The following ABCC9 variants were observed in gnomAD, a reference collection of about 807,000 sequenced individuals.
ABCC9 encodes ATP-binding cassette sub-family C member 9.
In ABCC9, 95 loss-of-function variants were observed where a neutral mutation model predicts 188.3. That is an observed-to-expected ratio of 0.50 (90% CI 0.43 to 0.60). The LOEUF is 0.60. Ranked by LOEUF, ABCC9 falls within the 20% of genes least tolerant of loss-of-function variation. The pLI is 0.00. For synonymous variants in ABCC9, 659 were observed against 652.7 expected (o/e 1.01, Z -0.15); for missense variants, 1,102 against 1,876.3 (o/e 0.59, Z 7.62).
rs1178925696 is a variant in ABCC9 at position 21,864,438 on chromosome 12, C to A, written c.2237+1G>T. On this transcript the variant is annotated splice_donor_variant, in intron 19 of 39. Coordinates refer to ENST00000261200, the MANE Select transcript of ABCC9 (RefSeq NM_020297.4). LOFTEE classifies it high-confidence loss of function. ...AACTCAGGTTAAAATAGAAATAATA[C>A]CTTCTGGTTGCTTCAAAAGAAGGCT... 1 of 1,580,488 alleles carries A rather than the reference C, an allele frequency of 6.3e-7. No homozygotes were observed. Among genetic ancestry groups the A allele is most frequent in the Non-Finnish European group, 8.7e-7 (1 of 1,149,790 alleles).
rs2137851952 is a variant in ABCC9 at position 21,908,173 on chromosome 12, T to G, written c.1359A>C (p.Gly453=). ...CAGCTGCACCGACCAATGCACTTGATCCAAGTAAATTATAGAGCAGAATCA... is the reference window on the plus strand; with the variant it reads ...CAGCTGCACCGACCAATGCACTTGAGCCAAGTAAATTATAGAGCAGAATCA... The part of the protein sequence containing the change: ...MGVILLYNLL[G]SSALVGAAVI... The change falls in exon 11 of 40, where the codon GGA becomes GGC. Residue 453 remains glycine, a synonymous_variant. Transcript: ENST00000261200. The G allele has an allele frequency of 6.2e-7, 1 of 1,612,620 alleles. No individual in the cohort carries two copies. Among genetic ancestry groups the G allele is most frequent in the Admixed American group, 1.7e-5 (1 of 59,812 alleles).
At chr12:21,907,679 G>A (rs549826409) in intron 11 of ABCC9, among the ~76,000 whole-genome samples, 58 of 152,042 alleles carry the variant, frequency 3.8e-4, no homozygotes, top group African/African-American at 1.3e-3. Flanking sequence ...CTACCCTAGG[G>A]AAATATAATT....
chr12:21,873,737 AG>A (rs1004437568), intron 17 of ABCC9, among the ~76,000 whole-genome samples: 7 of 152,162 alleles, frequency 4.6e-5, no homozygotes, highest in African/African-American at 1.7e-4. Context: ...ATGGAACAGA[AG>A]GGAGAGACCA....
chr12:21,849,455 A>G (rs1944852216), intron 24 of ABCC9, among the ~76,000 whole-genome samples: 1 of 152,190 alleles, frequency 6.6e-6, no homozygotes, highest in Non-Finnish European at 1.5e-5. Flanking sequence ...AAATGAAGCT[A>G]AATTAAACTC....
At chr12:21,883,506 A>G (rs935271632) in intron 15 of ABCC9, among the ~76,000 whole-genome samples, 5 of 152,182 alleles carry the variant, frequency 3.3e-5, no homozygotes, top group African/African-American at 1.2e-4. Context: ...TGAGTCCATT[A>G]AACCTCTTTC....
At chr12:21,833,468 A>C (rs1053179551) in intron 30 of ABCC9, among the ~76,000 whole-genome samples, 5 of 152,064 alleles carry the variant, frequency 3.3e-5, no homozygotes, top group Non-Finnish European at 7.4e-5. Context: ...AATTAAGGAT[A>C]GTAATGCTAA....
At chr12:21,824,055 CAA>C (rs1236038670) in intron 31 of ABCC9, among the ~76,000 whole-genome samples, 5 of 152,034 alleles carry the variant, frequency 3.3e-5, no homozygotes, top group Admixed American at 6.5e-5. Flanking sequence ...TCTGTGTAGA[CAA>C]AGAGGAAAAA....
chr12:21,912,698 A>G (rs1948375432), intron 8 of ABCC9, among the ~76,000 whole-genome samples, 174 bp downstream of exon 8: 1 of 152,132 alleles, frequency 6.6e-6, no homozygotes, highest in African/African-American at 2.4e-5. Flanking sequence ...ATAAATACAT[A>G]AACACGTGAT....
intron 12 of ABCC9, among the ~76,000 whole-genome samples, chr12:21,900,668 A>T (rs1168622397): frequency 1.3e-5 from 2 of 152,242 alleles, no homozygotes; most frequent in Non-Finnish European, 2.9e-5. Context: ...CGCATGCACA[A>T]GCTTCAGTAG....
chr12:21,917,737 G>A (rs770134374), intron 5 of ABCC9, among the ~76,000 whole-genome samples: 1 of 152,116 alleles, frequency 6.6e-6, no homozygotes, highest in Non-Finnish European at 1.5e-5. Context: ...TTACACTGCC[G>A]CAAAACTACA....
chr12:21,916,873 ACTGTAAT>A, intron 6 of ABCC9, 57 bp downstream of exon 6: 1 of 1,432,750 alleles, frequency 7.0e-7, no homozygotes, highest in Non-Finnish European at 9.5e-7. Flanking sequence ...TTTCTAGCTA[ACTGTAAT>A]CTTTCATATT....
chr12:21,807,366 CTG>C lies in ABCC9; in HGVS notation c.4427_4428del (p.Thr1476SerfsTer4). 1 of 1,613,916 alleles carries C rather than the reference CTG, an allele frequency of 6.2e-7. No homozygotes were observed. Among genetic ancestry groups the C allele is most frequent in the Non-Finnish European group, 8.5e-7 (1 of 1,179,836 alleles). On this transcript the variant is annotated frameshift_variant, in exon 38 of 40. Transcript: ENST00000261200. LOFTEE classifies it high-confidence loss of function. ...CTCACTGTGGCCATGTCAATGGAAG[CTG>C]TTGCCTCATCCATAATAAGAATGCT... The part of the protein sequence containing the change: ...KSSILIMDEA[T>X]ASIDMATENI...
intron 13 of ABCC9, 69 bp downstream of exon 13, chr12:21,895,206 T>G: frequency 7.2e-7 from 1 of 1,382,158 alleles, no homozygotes; most frequent in Admixed American, 1.7e-5. Context: ...TACCCACACA[T>G]TCTTGCTCAT....
At chr12:21,821,149 T>C (rs1943014346) in intron 31 of ABCC9, among the ~76,000 whole-genome samples, 1 of 152,196 alleles carries the variant, frequency 6.6e-6, no homozygotes, top group Non-Finnish European at 1.5e-5. Context: ...TTAGGATTTG[T>C]ATGAATCATT....
In ABCC9 at chr12:21,832,159, T is replaced by G. The variant is rs139518874; in HGVS notation, c.3567-3099A>C. ...TCATCTTCTGAACATTCTTAGACCT[T>G]TATTCTGTCAGACAAGAAAAAAATA... On this transcript the variant is annotated intron_variant, in intron 30 of 39. Transcript: ENST00000261200. Among the ~76,000 whole-genome samples, 533 of 152,306 alleles carry G rather than the reference T, an allele frequency of 3.5e-3. 1 individual carries two copies. Among genetic ancestry groups the G allele is most frequent in the African/African-American group, 0.011 (478 of 41,576 alleles).
chr12:21,863,676 A>T (rs1945641109), intron 19 of ABCC9, among the ~76,000 whole-genome samples: 1 of 152,160 alleles, frequency 6.6e-6, no homozygotes, highest in Non-Finnish European at 1.5e-5. Context: ...TGACTTGCAA[A>T]TTCTACCAGA....
chr12:21,806,485 G>A (rs1941855324), intron 38 of ABCC9, among the ~76,000 whole-genome samples: 1 of 152,078 alleles, frequency 6.6e-6, no homozygotes, highest in Non-Finnish European at 1.5e-5. Context: ...GACATTCTAG[G>A]CAGCAACTGT....
intron 12 of ABCC9, among the ~76,000 whole-genome samples, chr12:21,900,615 A>G (rs900878109): frequency 1.3e-4 from 20 of 152,332 alleles, no homozygotes; most frequent in East Asian, 5.8e-4. Flanking sequence ...AAGTCCTTCA[A>G]TGACCTGATG....
In ABCC9 at chr12:21,815,891, G is replaced by C. The variant is rs1942582040; in HGVS notation, c.3895C>G (p.Pro1299Ala). ...GGCCAATGTTCTGGAACTTGAGAAG[G>C]ATCTGGAGGATGGGATGGGGAAATA... ...ESENYEGTMD[P>A]SQVPEHWPQE... Residue 1299 changes from proline (P) to alanine (A), a missense_variant and splice_region_variant, in exon 34 of 40, where the codon CCT becomes GCT. Pro to Ala is a conservative substitution (Grantham distance 27). Transcript: ENST00000261200. The C allele has an allele frequency of 6.2e-7, 1 of 1,612,800 alleles. No individual in the cohort carries two copies. The highest frequency in any genetic ancestry group is 8.5e-7 in the Non-Finnish European group (1 of 1,179,312).
Sources: allele counts gnomAD v4.1 joint callset (sites outside exome capture counted in the v4.1 genomes callset), GRCh38; gene constraint gnomAD v4.1.1; transcripts MANE v1.5; gene names NCBI Gene and HGNC (gene_info 2026-07-23, HGNC 2026-07-21).